SLC30A7: variants seen among roughly 807,000 people sequenced by gnomAD.
SLC30A7 encodes the protein solute carrier family 30 member 7.
Under a neutral mutation model 46.0 loss-of-function variants are expected in SLC30A7, and 35 were observed. The observed-to-expected ratio is 0.76, with a 90% CI of 0.58 to 1.01. The LOEUF (loss-of-function observed/expected upper bound fraction) is 1.01. SLC30A7 is among the 50% of genes least tolerant of loss of function. SLC30A7 has a pLI of 0.00. For missense variants in SLC30A7, 464 were observed against 451.1 expected (o/e 1.03, Z -0.26); for synonymous variants, 147 against 157.8 (o/e 0.93, Z 0.51).
chr1:100,907,304 AC>A (rs958750334), intron 3 of SLC30A7, among the ~76,000 whole-genome samples: 47 of 152,116 alleles, frequency 3.1e-4, no homozygotes, highest in African/African-American at 1.1e-3. Context: ...TTGAATGGAT[AC>A]TTTGCTGTTG....
chr1:100,974,128 A>G (rs1656321012), intron 10 of SLC30A7, among the ~76,000 whole-genome samples: 1 of 152,160 alleles, frequency 6.6e-6, no homozygotes, highest in African/African-American at 2.4e-5. Context: ...AGGGGGTACA[A>G]GTGCAGTTTT....
intron 3 of SLC30A7, among the ~76,000 whole-genome samples, chr1:100,908,556 A>G (rs2101012364): frequency 6.6e-6 from 1 of 152,298 alleles, no homozygotes; most frequent in South Asian, 2.1e-4. Flanking sequence ...GCCAAAAAAT[A>G]CTCATTGTAC....
chr1:100,995,889 C>T, the SLC30A7 span: 1 of 152,162 alleles, frequency 6.6e-6, no homozygotes, highest in African/African-American at 2.4e-5. Flanking sequence ...GCTTTACATG[C>T]TGAAAACAAA....
the SLC30A7 span, among the ~76,000 whole-genome samples, chr1:100,987,344 G>A: frequency 6.6e-6 from 1 of 151,960 alleles, no homozygotes. Context: ...CTATTCTTCT[G>A]GAAATCCAGT....
chr1:100,899,819 A>AT (rs34648957), intron 2 of SLC30A7, among the ~76,000 whole-genome samples: 31,642 of 146,548 alleles, frequency 0.22, 3,962 homozygotes, highest in East Asian at 0.48. Context: ...AGGTGTGCAC[A>AT]TTTTTTTTTT....
intron 8 of SLC30A7, among the ~76,000 whole-genome samples, chr1:100,924,559 C>T (rs946715160): frequency 4.6e-5 from 7 of 151,912 alleles, no homozygotes; most frequent in African/African-American, 1.7e-4. Context: ...ACTGTAGTAC[C>T]CTTTTCATGG....
chr1:100,921,890 A>G, intron 8 of SLC30A7, 49 bp downstream of exon 8: 2 of 1,488,106 alleles, frequency 1.3e-6, no homozygotes, highest in Non-Finnish European at 1.8e-6. Flanking sequence ...TGAGAGAGAA[A>G]TATGTTACTT....
Position 100,896,137 on chromosome 1 carries a change from G to C in SLC30A7, c.-126G>C. The C allele has an allele frequency of 1.3e-6, 1 of 795,486 alleles. No individual in the cohort carries two copies. The highest frequency in any genetic ancestry group is 1.5e-5 in the South Asian group (1 of 66,894). The allele number at this position is 795,486 out of a possible 1,614,324, so 49.3% of individuals were successfully genotyped here. On this transcript the variant is annotated 5_prime_UTR_variant, in exon 1 of 11. Transcript: ENST00000357650. ...GTGTGTCTGTGTCTGTCTGTGTCTC[G>C]CAGCGGCGCGCGGCCCCGGACAAGC... is the stretch of plus-strand genomic sequence containing the variant.
intron 8 of SLC30A7, among the ~76,000 whole-genome samples, chr1:100,959,638 C>A (rs902716361): frequency 6.6e-6 from 1 of 152,216 alleles, no homozygotes; most frequent in South Asian, 2.1e-4. Flanking sequence ...CAGCTCACAA[C>A]ACAGCAGCTA....
chr1:100,985,436 T>C (rs990613305), downstream of SLC30A7, among the ~76,000 whole-genome samples: 1 of 152,072 alleles, frequency 6.6e-6, no homozygotes. Flanking sequence ...AACGTTTATA[T>C]GGAAAGGCAA....
At chr1:100,896,468 A>T in intron 1 of SLC30A7, 102 bp from the exon 2 acceptor site, 1 of 1,425,292 alleles carries the variant, frequency 7.0e-7, no homozygotes, top group Non-Finnish European at 9.9e-7. Context: ...GCTGTGAAGA[A>T]AGGAGCATGT....
intron 9 of SLC30A7, among the ~76,000 whole-genome samples, chr1:100,962,666 T>C (rs1265221960): frequency 6.6e-6 from 1 of 152,212 alleles, no homozygotes; most frequent in Non-Finnish European, 1.5e-5. Flanking sequence ...TAGATTTAGA[T>C]TTAATTCTAA....
chr1:100,968,516 G>T (rs1048624845), intron 10 of SLC30A7, among the ~76,000 whole-genome samples: 1 of 151,836 alleles, frequency 6.6e-6, no homozygotes, highest in Non-Finnish European at 1.5e-5. Flanking sequence ...TAAAAACCTT[G>T]GTGGCGCCTC....
At chr1:100,989,927 T>G in the SLC30A7 span, 1 of 154,852 alleles carries the variant, frequency 6.5e-6, no homozygotes, top group East Asian at 1.9e-4. Context: ...AACCAAGCAT[T>G]GTTGAGTCAA....
At chr1:100,909,097 T>G (rs980474647) in intron 3 of SLC30A7, among the ~76,000 whole-genome samples, 2 of 151,728 alleles carry the variant, frequency 1.3e-5, no homozygotes, top group East Asian at 1.9e-4. Context: ...GATTAAAGAA[T>G]AAAAGCTGGT....
At chr1:100,927,230 G>C (rs1653364270) in intron 8 of SLC30A7, among the ~76,000 whole-genome samples, 1 of 152,172 alleles carries the variant, frequency 6.6e-6, no homozygotes, top group African/African-American at 2.4e-5. Flanking sequence ...CTGAGACCGA[G>C]TATTGATAGA....
chr1:100,907,095 C>G, intron 3 of SLC30A7, 130 bp downstream of exon 3: 1 of 593,022 alleles, frequency 1.7e-6, no homozygotes, highest in Non-Finnish European at 2.9e-6. Flanking sequence ...AGCCCCCACT[C>G]AGGCCTCTTC....
At chr1:100,948,070 T>A in intron 8 of SLC30A7, among the ~76,000 whole-genome samples, 1 of 152,210 alleles carries the variant, frequency 6.6e-6, no homozygotes, top group Non-Finnish European at 1.5e-5. Flanking sequence ...TATTGTTATG[T>A]GTGAATTTGA....
At chr1:100,906,269 G>C (rs1042893612) in intron 2 of SLC30A7, among the ~76,000 whole-genome samples, 1 of 152,092 alleles carries the variant, frequency 6.6e-6, no homozygotes, top group Non-Finnish European at 1.5e-5. Context: ...GTAGTTTGCT[G>C]TTCCTTATAC....
Sources: allele counts gnomAD v4.1 joint callset (sites outside exome capture counted in the v4.1 genomes callset), GRCh38; gene constraint gnomAD v4.1.1; transcripts MANE v1.5; gene names NCBI Gene and HGNC (gene_info 2026-07-23, HGNC 2026-07-21).